The following AAK1 variants were observed in gnomAD, a reference collection of about 807,000 sequenced individuals.
AAK1 encodes AP2 associated kinase 1, also known as AP2-associated protein kinase 1.
A neutral mutation model predicts 116.0 loss-of-function variants in AAK1; 37 were observed. The ratio of observed to expected loss-of-function variants is 0.32; its 90% CI spans 0.25 to 0.42. The LOEUF is 0.42. Among genes scored for constraint, AAK1 ranks in the 10% least tolerant of loss-of-function variants. The probability of loss-of-function intolerance (pLI) is 1.00; values close to 1 mark genes in which losing one functional copy is unlikely to be tolerated. For synonymous variants in AAK1, 458 were observed against 439.9 expected (o/e 1.04, Z -0.51); for missense variants, 919 against 1,170.6 (o/e 0.79, Z 3.14).
At chr2:69,625,067 C>G (rs1674834209) in intron 2 of AAK1, among the ~76,000 whole-genome samples, 1 of 152,238 alleles carries the variant, frequency 6.6e-6, no homozygotes, top group African/African-American at 2.4e-5. Flanking sequence ...CTTCCAAACT[C>G]AACCTTTATA....
At chr2:69,582,434 C>A (rs1006008765) in intron 2 of AAK1, among the ~76,000 whole-genome samples, 3 of 152,190 alleles carry the variant, frequency 2.0e-5, no homozygotes, top group Middle Eastern at 3.4e-3. Flanking sequence ...CACACATGCA[C>A]AAGACTAAAT....
chr2:69,637,539 G>A lies in AAK1; in HGVS notation c.163+5339C>T, dbSNP rs533053704. Among the ~76,000 whole-genome samples, 18 of 152,260 alleles carry A rather than the reference G, an allele frequency of 1.2e-4. No individual in the cohort carries two copies. In the South Asian group the frequency reaches 3.7e-3, roughly 32 times the overall value. On this transcript the variant is annotated intron_variant, in intron 2 of 21. Transcript: ENST00000409085. ...AAATATGGCTCCATAAAATAGACCG[G>A]AGGCAAGTCTCTGCTAGCTCACAGT...
chr2:69,580,119 G>A (rs1672482447), intron 2 of AAK1, among the ~76,000 whole-genome samples: 1 of 152,090 alleles, frequency 6.6e-6, no homozygotes, highest in South Asian at 2.1e-4. Context: ...TTTCAAGTCT[G>A]CTAACTTCTG....
intron 2 of AAK1, among the ~76,000 whole-genome samples, chr2:69,577,937 T>G (rs1298244766): frequency 2.0e-5 from 3 of 152,198 alleles, no homozygotes; most frequent in South Asian, 2.1e-4. Context: ...ACCTTCATCT[T>G]CACTAAGGCA....
At position 69,505,394 on chromosome 2, in the gene AAK1, T is replaced by C. The variant is rs184082437; in HGVS notation, c.2269+175A>G. Among the ~76,000 whole-genome samples the C allele has an allele frequency of 4.9e-3, 741 of 152,042 alleles. 5 individuals carry two copies. Among genetic ancestry groups the C allele is most frequent in the South Asian group, 0.014 (67 of 4,820 alleles). ...TATCCCTTTTTGATCAGAAAGCTTTTGAATTAAAAAAAAGTAAATTTTAAA... is the reference window on the plus strand; with the variant it reads ...TATCCCTTTTTGATCAGAAAGCTTTCGAATTAAAAAAAAGTAAATTTTAAA... On this transcript the variant is annotated intron_variant, in intron 16 of 21. Coordinates refer to ENST00000409085, the MANE Select transcript of AAK1 (RefSeq NM_014911.5).
chr2:69,639,866 A>C (rs978145359), intron 2 of AAK1, among the ~76,000 whole-genome samples: 7 of 152,126 alleles, frequency 4.6e-5, no homozygotes, highest in African/African-American at 1.7e-4. Flanking sequence ...GGGAAGGAGC[A>C]TGGCTACCCA....
intron 17 of AAK1, among the ~76,000 whole-genome samples, chr2:69,493,158 CAAA>C (rs574490585): frequency 0.017 from 657 of 37,562 alleles, 28 homozygotes; most frequent in African/African-American, 0.046. Context: ...GACTCCGTCT[CAAA>C]AAAAAAAAAA....
At chr2:69,491,791 G>A (rs1310517269) in intron 17 of AAK1, among the ~76,000 whole-genome samples, 3 of 152,164 alleles carry the variant, frequency 2.0e-5, no homozygotes, top group Non-Finnish European at 4.4e-5. Flanking sequence ...GTAGGTTTTA[G>A]TATTGCCAAT....
Position 69,469,875 on chromosome 2 carries a change from T to C in AAK1, c.*5994A>G. ...ATGGGTAACTCCATATTAGTCTATT[T>C]TGAGGCTCCAAATTATGTAGATTTC... On this transcript the variant is annotated 3_prime_UTR_variant, in exon 22 of 22. Transcript: ENST00000409085. 1 of 985,446 alleles carries C rather than the reference T, an allele frequency of 1.0e-6. No individual in the cohort carries two copies. Among genetic ancestry groups the C allele is most frequent in the Non-Finnish European group, 1.2e-6 (1 of 829,922 alleles). The allele number at this position is 985,446 out of a possible 1,614,324, so 61.0% of individuals were successfully genotyped here.
At chr2:69,611,818 A>T (rs916616763) in intron 2 of AAK1, among the ~76,000 whole-genome samples, 6 of 152,226 alleles carry the variant, frequency 3.9e-5, no homozygotes, top group African/African-American at 1.4e-4. Context: ...TTAGCCTTAA[A>T]AGGGAAGAAC....
chr2:69,570,960 T>C (rs1198825865), intron 2 of AAK1, among the ~76,000 whole-genome samples: 4 of 150,358 alleles, frequency 2.7e-5, no homozygotes, highest in Non-Finnish European at 4.4e-5. Context: ...AAGTTTGGTG[T>C]AGATCAAACC....
intron 5 of AAK1, among the ~76,000 whole-genome samples, chr2:69,534,888 G>A (rs1670397463): frequency 6.6e-6 from 1 of 152,188 alleles, no homozygotes; most frequent in Non-Finnish European, 1.5e-5. Context: ...TTCACTGTGG[G>A]TTGGTATTTA....
At chr2:69,583,973 T>C (rs1017613069) in intron 2 of AAK1, among the ~76,000 whole-genome samples, 1 of 152,238 alleles carries the variant, frequency 6.6e-6, no homozygotes. Context: ...GTATCAGCCA[T>C]GTTCTGATAG....
Position 69,496,065 on chromosome 2 carries a change from C to T in AAK1, c.2285G>A (p.Gly762Asp), listed in dbSNP as rs1337931406. ...GAGGCCAGAGTCCACAGTCTGCCCA[C>T]CCTTCCTTTTTTCAGCTGGAGTTAG... ...FSAGTAEKRK[G>D]GQTVDSGLPL... Residue 762 changes from glycine to aspartate, a missense_variant, in exon 17 of 22, where the codon GGT (glycine) becomes GAT (aspartate). Gly to Asp is a moderately conservative substitution (Grantham distance 94, BLOSUM62 -1). Transcript: ENST00000409085. 9 of 1,554,388 alleles carry T rather than the reference C, an allele frequency of 5.8e-6. No homozygotes were observed. The highest frequency in any genetic ancestry group is 3.9e-5 in the Admixed American group (2 of 51,226).
chr2:69,591,815 C>T (rs902439110), intron 2 of AAK1, among the ~76,000 whole-genome samples: 4 of 152,048 alleles, frequency 2.6e-5, no homozygotes, highest in Admixed American at 6.6e-5. Flanking sequence ...GTGATCCGCC[C>T]GCCTCAGCCT....
At chr2:69,634,401 C>T (rs1204033723) in intron 2 of AAK1, among the ~76,000 whole-genome samples, 3 of 152,182 alleles carry the variant, frequency 2.0e-5, no homozygotes, top group Non-Finnish European at 4.4e-5. Context: ...GCAGGGATGA[C>T]GCAATCACAA....
intron 16 of AAK1, among the ~76,000 whole-genome samples, chr2:69,498,946 G>A (rs1400241044): frequency 6.6e-6 from 1 of 152,224 alleles, no homozygotes; most frequent in African/African-American, 2.4e-5. Flanking sequence ...AGACTGGGGT[G>A]TTAATACCCA....
rs928727810 is a variant in AAK1 at position 69,490,142 on chromosome 2, T to C, written c.2365+5843A>G. Among the ~76,000 whole-genome samples the C allele has an allele frequency of 1.5e-4, 23 of 152,204 alleles. 1 individual carries two copies. The highest frequency in any genetic ancestry group is 2.9e-4 in the Non-Finnish European group (20 of 68,030). On this transcript the variant is annotated intron_variant, in intron 17 of 21. Coordinates refer to ENST00000409085, the MANE Select transcript of AAK1 (RefSeq NM_014911.5). The stretch of plus-strand genomic sequence containing the variant: ...GCAACGAATGTCTTCTTGCTTAGTC[T>C]GTGGAACGCCGAGATCAGTACTGCA...
At chr2:69,633,599 CAAAAAA>C (rs3075922) in intron 2 of AAK1, among the ~76,000 whole-genome samples, 92 of 114,274 alleles carry the variant, frequency 8.1e-4, no homozygotes, top group Non-Finnish European at 1.4e-3. Flanking sequence ...GACGCTGTCT[CAAAAAA>C]AAAAAAAAAA....
Sources: allele counts gnomAD v4.1 joint callset (sites outside exome capture counted in the v4.1 genomes callset), GRCh38; gene constraint gnomAD v4.1.1; transcripts MANE v1.5; gene names NCBI Gene and HGNC (gene_info 2026-07-23, HGNC 2026-07-21).